MTMR7: variants seen among roughly 807,000 people sequenced by gnomAD.
MTMR7 encodes the protein phosphatidylinositol-3-phosphate phosphatase MTMR7.
MTMR7 carries 76 observed loss-of-function variants against 81.2 expected under a neutral mutation model. The ratio of observed to expected loss-of-function variants is 0.94; its 90% confidence interval spans 0.78 to 1.13. MTMR7 has a LOEUF of 1.13. Ranked by LOEUF, MTMR7 falls within the 50% of genes most tolerant of loss-of-function variation. The pLI is 0.00. For synonymous variants in MTMR7, 372 were observed against 289.8 expected (o/e 1.28, Z -2.88); for missense variants, 1,044 against 820.0 (o/e 1.27, Z -3.34).
At chr8:17,311,915 A>G in intron 8 of MTMR7, 2 of 327,204 alleles carry the variant, frequency 6.1e-6, no homozygotes, top group Non-Finnish European at 1.1e-5. Flanking sequence ...GTCCTATGCA[A>G]ACGGACCTTC....
At chr8:17,302,565 CCTTTT>C (rs2150461819) in intron 12 of MTMR7, 1 of 274,758 alleles carries the variant, frequency 3.6e-6, no homozygotes, top group East Asian at 6.4e-5. Context: ...GTAACCATTA[CCTTTT>C]AAGAAAATGG....
intron 3 of MTMR7, among the ~76,000 whole-genome samples, chr8:17,369,237 CCT>C (rs1820331882): frequency 6.6e-6 from 1 of 152,170 alleles, no homozygotes; most frequent in Non-Finnish European, 1.5e-5. Context: ...TTTAGTGCAC[CCT>C]CCAAAAAGTT....
chr8:17,339,908 C>T (rs982755909), intron 6 of MTMR7, among the ~76,000 whole-genome samples: 5 of 152,224 alleles, frequency 3.3e-5, no homozygotes, highest in African/African-American at 1.2e-4. Flanking sequence ...TCTCACCCCA[C>T]AGGAAAAACC....
intron 1 of MTMR7, among the ~76,000 whole-genome samples, chr8:17,407,468 C>A (rs1821621652): frequency 6.6e-6 from 1 of 152,002 alleles, no homozygotes; most frequent in South Asian, 2.1e-4. Context: ...TTCTTTGACA[C>A]AGTAATTCCA....
At chr8:17,321,029 A>G (rs1327081486) in intron 7 of MTMR7, among the ~76,000 whole-genome samples, 1 of 152,048 alleles carries the variant, frequency 6.6e-6, no homozygotes, top group Non-Finnish European at 1.5e-5. Context: ...CAAACTTTCC[A>G]GTTGTTATTA....
intron 1 of MTMR7, among the ~76,000 whole-genome samples, chr8:17,396,021 G>C (rs1020220619): frequency 1.3e-5 from 2 of 151,536 alleles, no homozygotes; most frequent in Non-Finnish European, 1.5e-5. Context: ...TAAACTACCG[G>C]AAATAAGTAT....
At chr8:17,347,392 T>C (rs1212537925) in intron 5 of MTMR7, among the ~76,000 whole-genome samples, 1 of 152,152 alleles carries the variant, frequency 6.6e-6, no homozygotes, top group Non-Finnish European at 1.5e-5. Flanking sequence ...AATATTTTCC[T>C]TCAAAGTAGC....
intron 7 of MTMR7, among the ~76,000 whole-genome samples, chr8:17,328,204 G>A (rs948109268): frequency 4.0e-5 from 6 of 149,722 alleles, no homozygotes; most frequent in African/African-American, 1.5e-4. Context: ...TCCTATCAGT[G>A]CCTGCTGACC....
At chr8:17,335,014 T>C (rs548467348) in intron 6 of MTMR7, among the ~76,000 whole-genome samples, 3 of 152,012 alleles carry the variant, frequency 2.0e-5, no homozygotes, top group South Asian at 4.2e-4. Flanking sequence ...GCACTGAGGG[T>C]CCACTACAAC....
chr8:17,310,490 C>T (rs554760465), intron 9 of MTMR7, among the ~76,000 whole-genome samples: 1 of 152,118 alleles, frequency 6.6e-6, no homozygotes, highest in Admixed American at 6.5e-5. Context: ...ATGATGGAAA[C>T]GCATGTGTGC....
intron 10 of MTMR7, among the ~76,000 whole-genome samples, chr8:17,307,692 A>C (rs1817545459): frequency 6.6e-6 from 1 of 152,232 alleles, no homozygotes; most frequent in South Asian, 2.1e-4. Flanking sequence ...TACACCATGG[A>C]ATATTATGCA....
intron 3 of MTMR7, among the ~76,000 whole-genome samples, chr8:17,365,482 C>G (rs1457813181): frequency 6.6e-6 from 1 of 152,186 alleles, no homozygotes; most frequent in Admixed American, 6.5e-5. Context: ...TCTACCCACT[C>G]TTAAAACAGG....
At chr8:17,359,983 T>C (rs942081153) in intron 4 of MTMR7, among the ~76,000 whole-genome samples, 1 of 152,172 alleles carries the variant, frequency 6.6e-6, no homozygotes, top group Non-Finnish European at 1.5e-5. Flanking sequence ...TGGGCAAAGG[T>C]ATAGTTACCA....
intron 5 of MTMR7, among the ~76,000 whole-genome samples, chr8:17,341,891 T>C (rs537354106): frequency 5.3e-5 from 8 of 151,752 alleles, no homozygotes; most frequent in African/African-American, 9.7e-5. Context: ...ATTAATAAAA[T>C]AGAAATTATT....
At chr8:17,346,334 G>A (rs1038453345) in intron 5 of MTMR7, among the ~76,000 whole-genome samples, 4 of 152,166 alleles carry the variant, frequency 2.6e-5, no homozygotes, top group East Asian at 1.9e-4. Context: ...ACCCGATCAC[G>A]CAGCGCTGCT....
intron 7 of MTMR7, among the ~76,000 whole-genome samples, chr8:17,317,949 G>T (rs556153375): frequency 3.7e-4 from 56 of 152,170 alleles, no homozygotes; most frequent in African/African-American, 1.3e-3. Context: ...TGGGAAGTCA[G>T]GAGGAGGTGG....
chr8:17,398,105 A>T (rs1340616105), intron 1 of MTMR7, among the ~76,000 whole-genome samples: 1 of 152,148 alleles, frequency 6.6e-6, no homozygotes, highest in Non-Finnish European at 1.5e-5. Flanking sequence ...CACTGCAAAG[A>T]CTACAATAAA....
intron 6 of MTMR7, among the ~76,000 whole-genome samples, chr8:17,337,644 C>T (rs1819286662): frequency 6.6e-6 from 1 of 152,136 alleles, no homozygotes; most frequent in African/African-American, 2.4e-5. Flanking sequence ...GAGACAGGGT[C>T]TCACTCTGTT....
In MTMR7 at chr8:17,301,060, A is replaced by G. The variant is rs147643779; in HGVS notation, c.1621-836T>C. On this transcript the variant is annotated intron_variant, in intron 13 of 13. Coordinates refer to ENST00000180173, the MANE Select transcript of MTMR7 (RefSeq NM_004686.5). ...TGGGTTGTTCAGAATACATTTCGCC[A>G]GATTTCATGTTTTGATGTTAACACA... 5.4e-4 allele frequency among the ~76,000 whole-genome samples: 82 copies of G among 152,338 alleles called. 1 individual carries two copies. Among genetic ancestry groups the G allele is most frequent in the African/African-American group, 1.9e-3 (81 of 41,576 alleles).
Sources: gnomAD v4.1 joint callset for allele counts (sites outside exome capture counted in the v4.1 genomes callset) on GRCh38, gnomAD v4.1.1 for gene constraint, MANE v1.5 for transcripts, NCBI Gene and HGNC (gene_info 2026-07-23, HGNC 2026-07-21) for gene names.